Variants in ZNF93 observed in about 807,000 individuals in gnomAD.
ZNF93 encodes zinc finger protein 505.
Under a neutral mutation model 45.0 loss-of-function variants are expected in ZNF93, and 29 were observed. That is an observed-to-expected ratio of 0.64 (90% confidence interval 0.48 to 0.88). The LOEUF is 0.88. Among genes scored for constraint, ZNF93 ranks in the 40% least tolerant of loss-of-function variants. The pLI is 0.00. For synonymous variants in ZNF93, 223 were observed against 244.6 expected (o/e 0.91, Z 0.82); for missense variants, 578 against 724.0 (o/e 0.80, Z 2.31).
chr19:19,916,581 A>G lies in ZNF93; in HGVS notation c.152A>G (p.Asp51Gly), dbSNP rs1224370023. ...VFLGIVVSKP[D>G]LIAHLEQGKK... ...ACAGGTATTGTTGTCTCTAAGCCAG[A>G]CCTGATCGCCCATCTGGAGCAAGGA... Residue 51 changes from aspartate to glycine, a missense_variant, in exon 3 of 4, where the codon GAC becomes GGC. Asp to Gly is a moderately conservative substitution (Grantham distance 94). Transcript: ENST00000343769. 6.2e-7 allele frequency: 1 copy of G among 1,612,100 alleles called. No individual in the cohort carries two copies. The highest frequency in any genetic ancestry group is 1.7e-5 in the Admixed American group (1 of 59,412).
intron 2 of ZNF93, among the ~76,000 whole-genome samples, chr19:19,916,297 C>A (rs898417237): frequency 1.4e-4 from 21 of 152,144 alleles, no homozygotes; most frequent in African/African-American, 5.1e-4. Context: ...CAACTCCTGA[C>A]TTCGTGATCC....
chr19:19,912,621 A>C (rs2063312410), intron 1 of ZNF93, among the ~76,000 whole-genome samples: 2 of 152,264 alleles, frequency 1.3e-5, no homozygotes, highest in Admixed American at 6.5e-5. Context: ...AAATATAAAC[A>C]GAATGAAATT....
chr19:19,931,104 A>C (rs1269617633), intron 3 of ZNF93, among the ~76,000 whole-genome samples: 5 of 150,910 alleles, frequency 3.3e-5, no homozygotes, highest in African/African-American at 1.2e-4. Flanking sequence ...CTTTTTTAAA[A>C]AAACCACTTA....
intron 1 of ZNF93, among the ~76,000 whole-genome samples, chr19:19,913,564 T>G (rs889159099): frequency 6.6e-6 from 1 of 152,184 alleles, no homozygotes; most frequent in East Asian, 1.9e-4. Context: ...CAAAAGTTGC[T>G]GGTGTCTATG....
intron 3 of ZNF93, among the ~76,000 whole-genome samples, chr19:19,931,833 A>G (rs1042418978): frequency 7.9e-5 from 12 of 152,128 alleles, no homozygotes; most frequent in Admixed American, 5.9e-4. Context: ...TTTCTTTTGC[A>G]TACTTTGTAT....
chr19:19,914,099 CACATT>C (rs1342601125), intron 1 of ZNF93, among the ~76,000 whole-genome samples: 1 of 152,048 alleles, frequency 6.6e-6, no homozygotes, highest in Non-Finnish European at 1.5e-5. Context: ...ATTTATGATC[CACATT>C]ATTAAAAATA....
intron 1 of ZNF93, among the ~76,000 whole-genome samples, chr19:19,905,179 C>T (rs1450821290): frequency 1.3e-5 from 2 of 152,176 alleles, no homozygotes; most frequent in Non-Finnish European, 2.9e-5. Context: ...CTTTCACCTA[C>T]ATTGTGCTCT....
At chr19:19,932,608 C>T (rs571294944) in intron 3 of ZNF93, 1 of 152,252 alleles carries the variant, frequency 6.6e-6, no homozygotes, top group African/African-American at 2.4e-5. Context: ...ATTACTTTTA[C>T]CTAGTGGCTT....
intron 3 of ZNF93, among the ~76,000 whole-genome samples, chr19:19,927,690 C>T (rs1031500695): frequency 6.6e-6 from 1 of 152,178 alleles, no homozygotes; most frequent in African/African-American, 2.4e-5. Flanking sequence ...GTATATGTTA[C>T]ATTTTTTAAT....
intron 3 of ZNF93, among the ~76,000 whole-genome samples, chr19:19,930,037 G>T (rs1469176463): frequency 1.3e-5 from 2 of 151,508 alleles, no homozygotes; most frequent in Admixed American, 6.6e-5. Context: ...CCACCAAGAC[G>T]TGGAGACCGA....
chr19:19,905,007 G>A (rs1328350263), intron 1 of ZNF93, among the ~76,000 whole-genome samples: 1 of 152,046 alleles, frequency 6.6e-6, no homozygotes, highest in Non-Finnish European at 1.5e-5. Context: ...CAAGTCTCCT[G>A]GCATATCCCC....
intron 1 of ZNF93, among the ~76,000 whole-genome samples, chr19:19,906,025 G>A (rs2063291952): frequency 6.6e-6 from 1 of 151,906 alleles, no homozygotes; most frequent in Non-Finnish European, 1.5e-5. Context: ...ATATTTCTTC[G>A]GCCTGACAGG....
In ZNF93 at chr19:19,933,761, C is replaced by T. The variant is rs77645720; in HGVS notation, c.806C>T (p.Ser269Phe). Residue 269 changes from serine to phenylalanine, a missense_variant, in exon 4 of 4, where the codon TCC becomes TTC. Around this residue, in one of 3 missense-constraint regions of ZNF93, gnomAD observed 446 missense variants for 547.6 expected, o/e 0.81. Transcript: ENST00000343769. ...GAATGTGGCAAAGCTTTTAACCAAT[C>T]CTCGACACTTACTAAACATAAGAAA... ...CEECGKAFNQ[S>F]STLTKHKKIH... The T allele has an allele frequency of 9.5e-3, 15,379 of 1,612,190 alleles. 246 individuals carry two copies. The highest frequency in any genetic ancestry group is 0.073 in the African/African-American group (5,437 of 74,528).
At position 19,933,666 on chromosome 19, in the gene ZNF93, C is replaced by T. The variant is rs532202689; in HGVS notation, c.711C>T (p.Ala237=). 6.2e-7 allele frequency: 1 copy of T among 1,612,016 alleles called. No homozygotes were observed. The change falls in exon 4 of 4, where the codon GCC becomes GCT. Residue 237 remains alanine (A), a synonymous_variant. Coordinates refer to ENST00000343769, the MANE Select transcript of ZNF93 (RefSeq NM_031218.4). The part of the protein sequence containing the change: ...KPYKCDKCDK[A]FIASSTLSKH... ...ACAAGTGTGATAAATGTGACAAAGC[C>T]TTTATTGCATCCTCAACCCTTAGTA...
chr19:19,929,754 C>T (rs1034283597), intron 3 of ZNF93, among the ~76,000 whole-genome samples: 12 of 150,994 alleles, frequency 7.9e-5, no homozygotes, highest in East Asian at 2.0e-4. Flanking sequence ...CCGGCTAAAA[C>T]GGTGAAACCC....
intron 3 of ZNF93, among the ~76,000 whole-genome samples, chr19:19,929,828 C>T (rs1351692022): frequency 6.8e-6 from 1 of 146,964 alleles, no homozygotes; most frequent in Admixed American, 6.9e-5. Context: ...GTCCCAGCTA[C>T]TTGGGAGGCT....
At chr19:19,927,835 G>A (rs747551684) in intron 3 of ZNF93, among the ~76,000 whole-genome samples, 1 of 152,082 alleles carries the variant, frequency 6.6e-6, no homozygotes, top group Non-Finnish European at 1.5e-5. Context: ...TGCAACCTCT[G>A]CCTTCTGGTT....
At position 19,934,696 on chromosome 19, in the gene ZNF93, TC is replaced by T; in HGVS notation, c.1742del (p.Ser581PhefsTer33). 6.2e-7 allele frequency: 1 copy of T among 1,612,868 alleles called. No homozygotes were observed. The highest frequency in any genetic ancestry group is 8.5e-7 in the Non-Finnish European group (1 of 1,179,618). Reference protein sequence around the residue: ...GKAFNHSATLSSHKKIHSGEK... With the variant: ...GKAFNHSATLXSHKKIHSGEK... ...AGCTTTTAACCATTCTGCAACCCTT[TC>T]TTCACATAAGAAAATCCATTCTGGA... On this transcript the variant is annotated frameshift_variant, in exon 4 of 4. Transcript: ENST00000343769. LOFTEE classifies it high-confidence loss of function.
chr19:19,929,523 A>G (rs1318533606), intron 3 of ZNF93, among the ~76,000 whole-genome samples: 1 of 152,208 alleles, frequency 6.6e-6, no homozygotes, highest in African/African-American at 2.4e-5. Context: ...ATGTACACAT[A>G]TACATATAGA....
Sources: allele counts gnomAD v4.1 joint callset (sites outside exome capture counted in the v4.1 genomes callset), GRCh38; gene constraint gnomAD v4.1.1; regional missense constraint gnomAD v4.1.1; transcripts MANE v1.5; gene names NCBI Gene and HGNC (gene_info 2026-07-23, HGNC 2026-07-21).